Variants in TCERG1L observed in about 807,000 individuals in gnomAD.
TCERG1L encodes transcription elongation regulator 1-like protein.
TCERG1L carries 37 observed loss-of-function variants against 56.3 expected under a neutral mutation model. The observed-to-expected ratio is 0.66, with a 90% CI of 0.51 to 0.87. The LOEUF (loss-of-function observed/expected upper bound fraction) is 0.87. TCERG1L is among the 40% of genes least tolerant of loss of function. TCERG1L has a pLI of 0.00. For missense variants in TCERG1L, 799 were observed against 774.2 expected, an observed-to-expected ratio of 1.03 and a Z score of -0.38; for synonymous variants, 324 against 326.3, an observed-to-expected ratio of 0.99 and a Z score of 0.08.
chr10:131,194,292 G>A (rs779236982), intron 4 of TCERG1L, among the ~76,000 whole-genome samples: 4 of 152,240 alleles, frequency 2.6e-5, no homozygotes, highest in Non-Finnish European at 5.9e-5. Context: ...GAACTTACAC[G>A]CTGACGAAGG....
intron 4 of TCERG1L, among the ~76,000 whole-genome samples, chr10:131,177,618 C>A (rs756264057): frequency 3.4e-4 from 52 of 152,220 alleles, no homozygotes; most frequent in Non-Finnish European, 6.9e-4. Context: ...TCCCCTTTTA[C>A]GGGCGTTAAC....
At chr10:131,180,200 A>G (rs1032122000) in intron 4 of TCERG1L, among the ~76,000 whole-genome samples, 3 of 152,206 alleles carry the variant, frequency 2.0e-5, no homozygotes, top group Admixed American at 6.5e-5. Flanking sequence ...AAGAATCTAT[A>G]TGATACGGGA....
intron 10 of TCERG1L, among the ~76,000 whole-genome samples, chr10:131,101,892 G>A (rs1388736398): frequency 2.0e-5 from 3 of 150,982 alleles, no homozygotes; most frequent in African/African-American, 7.3e-5. Context: ...AGTAAAGACA[G>A]GGTTTTGCCA....
chr10:131,195,770 C>T (rs1415291542), intron 4 of TCERG1L, among the ~76,000 whole-genome samples: 8 of 152,326 alleles, frequency 5.3e-5, no homozygotes, highest in Admixed American at 2.6e-4. Flanking sequence ...CTGCCATGGC[C>T]GGCCATGCTC....
intron 3 of TCERG1L, among the ~76,000 whole-genome samples, chr10:131,299,445 CTT>C (rs1234961482): frequency 4.7e-5 from 7 of 147,796 alleles, no homozygotes; most frequent in African/African-American, 1.8e-4. Context: ...AGTTATAACT[CTT>C]TTCACAGTTT....
chr10:131,194,076 G>T (rs914784673), intron 4 of TCERG1L, among the ~76,000 whole-genome samples: 3 of 152,036 alleles, frequency 2.0e-5, no homozygotes, highest in African/African-American at 7.3e-5. Context: ...CCAGCGGCGT[G>T]CCTAGGCTTC....
intron 4 of TCERG1L, among the ~76,000 whole-genome samples, chr10:131,180,733 C>A (rs879633489): frequency 6.6e-6 from 1 of 151,906 alleles, no homozygotes; most frequent in Non-Finnish European, 1.5e-5. Context: ...CCTCAAAATA[C>A]CTTTTAATAT....
chr10:131,263,220 G>A (rs943057769), intron 3 of TCERG1L, among the ~76,000 whole-genome samples: 1 of 152,044 alleles, frequency 6.6e-6, no homozygotes, highest in Non-Finnish European at 1.5e-5. Context: ...TCGGTGTTCT[G>A]GATGTCGGCT....
intron 4 of TCERG1L, among the ~76,000 whole-genome samples, chr10:131,217,401 G>T (rs1259285326): frequency 6.6e-6 from 1 of 152,180 alleles, no homozygotes; most frequent in Non-Finnish European, 1.5e-5. Flanking sequence ...AGAATAGTGA[G>T]CCAATTAAAC....
At chr10:131,096,102 G>A (rs765309229) in intron 11 of TCERG1L, among the ~76,000 whole-genome samples, 5 of 152,130 alleles carry the variant, frequency 3.3e-5, no homozygotes, top group Non-Finnish European at 5.9e-5. Context: ...AACTCCTCAC[G>A]CCATCCTCCT....
At chr10:131,142,951 A>G (rs1845754570) in intron 7 of TCERG1L, among the ~76,000 whole-genome samples, 1 of 152,094 alleles carries the variant, frequency 6.6e-6, no homozygotes, top group Admixed American at 6.5e-5. Flanking sequence ...GACCCTTCAG[A>G]GTGGGAGCGG....
chr10:131,189,276 C>T (rs532260778), intron 4 of TCERG1L, among the ~76,000 whole-genome samples: 2 of 152,118 alleles, frequency 1.3e-5, no homozygotes, highest in Non-Finnish European at 2.9e-5. Flanking sequence ...GTGTATCCGT[C>T]ACCCAAATAA....
chr10:131,122,056 C>A (rs964482814), intron 8 of TCERG1L, among the ~76,000 whole-genome samples: 2 of 152,272 alleles, frequency 1.3e-5, no homozygotes, highest in African/African-American at 4.8e-5. Flanking sequence ...GTGCCACACA[C>A]TGCCAGCCTC....
At chr10:131,259,349 T>C (rs79921104) in intron 4 of TCERG1L, among the ~76,000 whole-genome samples, 1 of 152,324 alleles carries the variant, frequency 6.6e-6, no homozygotes, top group Non-Finnish European at 1.5e-5. Context: ...TAATACAATC[T>C]TCCATGGAAT....
At chr10:131,270,888 G>A (rs925444052) in intron 3 of TCERG1L, among the ~76,000 whole-genome samples, 4 of 152,148 alleles carry the variant, frequency 2.6e-5, no homozygotes, top group Non-Finnish European at 4.4e-5. Context: ...CACCCTGCCA[G>A]GCTGGGGCCA....
intron 3 of TCERG1L, among the ~76,000 whole-genome samples, chr10:131,278,496 C>A (rs886805747): frequency 6.6e-6 from 1 of 151,878 alleles, no homozygotes; most frequent in Non-Finnish European, 1.5e-5. Flanking sequence ...CACCACGATG[C>A]CCAGCTAATT....
At chr10:131,255,663 A>G (rs758348231) in intron 4 of TCERG1L, among the ~76,000 whole-genome samples, 9 of 152,242 alleles carry the variant, frequency 5.9e-5, no homozygotes, top group Non-Finnish European at 1.3e-4. Flanking sequence ...TGGAGCTAAC[A>G]GTGGAGATGG....
intron 6 of TCERG1L, among the ~76,000 whole-genome samples, chr10:131,150,003 G>C (rs375008591): frequency 6.6e-6 from 1 of 152,232 alleles, no homozygotes; most frequent in Non-Finnish European, 1.5e-5. Context: ...TAACAGTATT[G>C]CTTGGGATGT....
At chr10:131,279,081 C>T (rs1846425701) in intron 3 of TCERG1L, among the ~76,000 whole-genome samples, 1 of 152,208 alleles carries the variant, frequency 6.6e-6, no homozygotes. Flanking sequence ...GAGCCTAGTC[C>T]AGCCTCACAG....
Sources: gnomAD v4.1 joint callset for allele counts (sites outside exome capture counted in the v4.1 genomes callset) on GRCh38, gnomAD v4.1.1 for gene constraint, MANE v1.5 for transcripts, NCBI Gene and HGNC (gene_info 2026-07-23, HGNC 2026-07-21) for gene names.